Variants in CPEB3 observed in about 807,000 individuals in gnomAD.
The protein encoded by CPEB3 is cytoplasmic polyadenylation element-binding protein 3.
Under a neutral mutation model 67.2 loss-of-function variants are expected in CPEB3, and 20 were observed. That is an observed-to-expected ratio of 0.30 (90% confidence interval 0.21 to 0.43). The LOEUF is 0.43. Among genes scored for constraint, CPEB3 ranks in the 20% least tolerant of loss-of-function variants. The pLI, the probability that CPEB3 is intolerant of heterozygous loss-of-function variation, is 1.00. For synonymous variants in CPEB3, 376 were observed against 393.1 expected (o/e 0.96, Z 0.51); for missense variants, 746 against 968.6 (o/e 0.77, Z 3.05).
intron 2 of CPEB3, among the ~76,000 whole-genome samples, chr10:92,208,521 T>A (rs1405353950): frequency 6.6e-6 from 1 of 152,184 alleles, no homozygotes; most frequent in Non-Finnish European, 1.5e-5. Flanking sequence ...GAATCTCTTC[T>A]TGGGTCTTTC....
chr10:92,250,408 A>T (rs540844043), intron 1 of CPEB3, among the ~76,000 whole-genome samples: 28 of 152,278 alleles, frequency 1.8e-4, no homozygotes, highest in Middle Eastern at 3.4e-3. Context: ...AAAAAAATTT[A>T]AAAGTTTAAA....
intron 8 of CPEB3, among the ~76,000 whole-genome samples, chr10:92,086,043 C>T (rs1843356842): frequency 6.6e-6 from 1 of 152,100 alleles, no homozygotes; most frequent in Non-Finnish European, 1.5e-5. Flanking sequence ...TCAAAGCCAG[C>T]TAAGGCAACA....
At chr10:92,136,641 A>T (rs1034523050) in intron 6 of CPEB3, among the ~76,000 whole-genome samples, 1 of 151,884 alleles carries the variant, frequency 6.6e-6, no homozygotes, top group East Asian at 1.9e-4. Context: ...GCTCACTGTA[A>T]ACTCTGCCCC....
intron 3 of CPEB3, among the ~76,000 whole-genome samples, chr10:92,190,746 G>A (rs532724656): frequency 7.0e-6 from 1 of 142,992 alleles, no homozygotes; most frequent in East Asian, 2.2e-4. Context: ...CTTCCGAACA[G>A]ACTCATACAG....
At chr10:92,205,985 TA>T (rs1054726461) in intron 2 of CPEB3, among the ~76,000 whole-genome samples, 1 of 152,054 alleles carries the variant, frequency 6.6e-6, no homozygotes, top group African/African-American at 2.4e-5. Context: ...TTTAGAAGGT[TA>T]AAAAATTTTA....
At chr10:92,286,187 G>A (rs188350124) in intron 1 of CPEB3, among the ~76,000 whole-genome samples, 3 of 151,916 alleles carry the variant, frequency 2.0e-5, no homozygotes, top group Admixed American at 1.3e-4. Flanking sequence ...TGCCCACCTC[G>A]GCCTCCCAAA....
chr10:92,145,541 A>G (rs1319672834), intron 4 of CPEB3, among the ~76,000 whole-genome samples: 1 of 151,960 alleles, frequency 6.6e-6, no homozygotes, highest in African/African-American at 2.4e-5. Context: ...AGGCAGGAGA[A>G]TCGCTTGAAC....
In CPEB3 at chr10:92,199,117, C is replaced by T. The variant is rs375700158; in HGVS notation, c.1006-6481G>A. Among the ~76,000 whole-genome samples the T allele has an allele frequency of 2.2e-4, 34 of 152,286 alleles. 1 individual carries two copies. The East Asian group carries it at 3.3e-3, about 15-fold the overall frequency. On this transcript the variant is annotated intron_variant, in intron 2 of 9. Coordinates refer to ENST00000265997, the MANE Select transcript of CPEB3 (RefSeq NM_014912.5). ...CATAAGAAACGATTAACTGGCAGGG[C>T]GCAGTGGCTCACGCCTGTAATCCCA... is the stretch of plus-strand genomic sequence containing the variant.
intron 7 of CPEB3, among the ~76,000 whole-genome samples, chr10:92,109,201 T>C (rs1292215794): frequency 6.6e-6 from 1 of 152,096 alleles, no homozygotes; most frequent in African/African-American, 2.4e-5. Flanking sequence ...GCAGAGGCTC[T>C]CTGGAGGTTG....
intron 1 of CPEB3, among the ~76,000 whole-genome samples, chr10:92,285,137 C>T (rs1304927095): frequency 2.6e-5 from 4 of 152,216 alleles, no homozygotes; most frequent in Non-Finnish European, 5.9e-5. Context: ...AACAAACCTG[C>T]TCTCAAGATA....
chr10:92,234,125 G>A (rs111894637), intron 2 of CPEB3, among the ~76,000 whole-genome samples: 30,546 of 142,134 alleles, frequency 0.21, 4,309 homozygotes, highest in Non-Finnish European at 0.31. Flanking sequence ...AAAAAAAAAA[G>A]GAGAAGGATA....
At chr10:92,159,638 C>T (rs2133940573) in intron 4 of CPEB3, among the ~76,000 whole-genome samples, 1 of 152,246 alleles carries the variant, frequency 6.6e-6, no homozygotes, top group African/African-American at 2.4e-5. Context: ...TGCCACTGCA[C>T]TCCAGCCTGG....
At chr10:92,177,437 T>C (rs770847373) in intron 4 of CPEB3, among the ~76,000 whole-genome samples, 12 of 152,228 alleles carry the variant, frequency 7.9e-5, no homozygotes, top group Non-Finnish European at 1.8e-4. Flanking sequence ...CCTAATATTT[T>C]GAGAAAGGCC....
rs186621088 is a variant in CPEB3 at position 92,165,137 on chromosome 10, T to G, written c.1222+15826A>C. On this transcript the variant is annotated intron_variant, in intron 4 of 9. Transcript: ENST00000265997. ...ATTATGTCTTAAAAAACAATATATA[T>G]AACTTAATTTAAAAAATACTTTATT... 4.6e-5 allele frequency among the ~76,000 whole-genome samples: 7 copies of G among 152,142 alleles called. No individual in the cohort carries two copies. The East Asian group carries it at 1.3e-3, about 29-fold the overall frequency.
chr10:92,260,277 G>A (rs1334898753), intron 1 of CPEB3, among the ~76,000 whole-genome samples: 5 of 152,126 alleles, frequency 3.3e-5, no homozygotes, highest in Admixed American at 6.5e-5. Context: ...CTGGCTGGGC[G>A]TGGTGGCTCA....
intron 2 of CPEB3, among the ~76,000 whole-genome samples, chr10:92,223,542 C>T (rs574160843): frequency 2.7e-5 from 4 of 149,910 alleles, no homozygotes; most frequent in African/African-American, 9.8e-5. Flanking sequence ...TCACCAAGTC[C>T]TTCCAGGTGA....
At chr10:92,107,478 G>T (rs1415633393) in intron 7 of CPEB3, among the ~76,000 whole-genome samples, 1 of 152,176 alleles carries the variant, frequency 6.6e-6, no homozygotes, top group Non-Finnish European at 1.5e-5. Context: ...TTCTTTTCAA[G>T]ATTACTCTTT....
chr10:92,055,564 T>C (rs1294950175), intron 9 of CPEB3, among the ~76,000 whole-genome samples: 1 of 152,214 alleles, frequency 6.6e-6, no homozygotes, highest in African/African-American at 2.4e-5. Context: ...TAGAGAGTTT[T>C]CACTTTTTCT....
chr10:92,163,271 C>G (rs1471424513), intron 4 of CPEB3, among the ~76,000 whole-genome samples: 1 of 152,098 alleles, frequency 6.6e-6, no homozygotes, highest in Non-Finnish European at 1.5e-5. Context: ...CTTGTCTCTA[C>G]TAAAAATACA....
Sources: gnomAD v4.1 joint callset for allele counts (sites outside exome capture counted in the v4.1 genomes callset) on GRCh38, gnomAD v4.1.1 for gene constraint, MANE v1.5 for transcripts, NCBI Gene and HGNC (gene_info 2026-07-23, HGNC 2026-07-21) for gene names.